Variants in CNTN1 observed in about 807,000 individuals in gnomAD.
CNTN1 encodes the protein contactin 1, also known as contactin-1.
CNTN1 carries 38 observed loss-of-function variants against 126.4 expected under a neutral mutation model. The observed-to-expected ratio is 0.30, with a 90% CI of 0.23 to 0.39. The LOEUF is 0.39. CNTN1 is among the 10% of genes least tolerant of loss of function. The pLI, the probability that CNTN1 is intolerant of heterozygous loss-of-function variation, is 1.00. For synonymous variants in CNTN1, 413 were observed against 422.6 expected, an observed-to-expected ratio of 0.98 and a Z score of 0.28; for missense variants, 1,009 against 1,248.4, an observed-to-expected ratio of 0.81 and a Z score of 2.89.
chr12:41,059,106 AG>A (rs2121092531), intron 23 of CNTN1, among the ~76,000 whole-genome samples: 1 of 152,356 alleles, frequency 6.6e-6, no homozygotes, highest in African/African-American at 2.4e-5. Flanking sequence ...GGTCATAAAA[AG>A]AAGAAAAATC....
intron 1 of CNTN1, among the ~76,000 whole-genome samples, chr12:40,731,511 A>C (rs1001218837): frequency 3.9e-5 from 6 of 152,026 alleles, no homozygotes; most frequent in African/African-American, 1.4e-4. Context: ...TAAAAATATA[A>C]ATTTCAAAAG....
chr12:41,041,154 T>C lies in CNTN1; in HGVS notation c.2980+11935T>C, dbSNP rs368277700. ...TGTTGAATTTTGTCAAAGGCCTTTTTTGCATCTATTGAGATAATCATGTGG... is the reference window on the plus strand; with the variant it reads ...TGTTGAATTTTGTCAAAGGCCTTTTCTGCATCTATTGAGATAATCATGTGG... On this transcript the variant is annotated intron_variant, in intron 23 of 23. Coordinates refer to ENST00000551295, the MANE Select transcript of CNTN1 (RefSeq NM_001843.4). 7.8e-3 allele frequency among the ~76,000 whole-genome samples: 1,186 copies of C among 151,616 alleles called. 10 individuals are homozygous for C. Among genetic ancestry groups the C allele is most frequent in the Admixed American group, 0.017 (252 of 15,178 alleles).
chr12:40,819,817 T>G (rs1238511294), intron 1 of CNTN1, among the ~76,000 whole-genome samples: 1 of 152,174 alleles, frequency 6.6e-6, no homozygotes, highest in East Asian at 1.9e-4. Flanking sequence ...AGTAGGATCT[T>G]CCGATCCGTG....
intron 23 of CNTN1, among the ~76,000 whole-genome samples, chr12:41,059,558 T>C (rs1949896005): frequency 6.6e-6 from 1 of 152,198 alleles, no homozygotes; most frequent in Non-Finnish European, 1.5e-5. Flanking sequence ...TTATGTTCAA[T>C]ACCTAAGTTT....
At chr12:40,990,712 C>A (rs1948077951) in intron 16 of CNTN1, among the ~76,000 whole-genome samples, 1 of 152,220 alleles carries the variant, frequency 6.6e-6, no homozygotes, top group African/African-American at 2.4e-5. Context: ...CTCCACACAT[C>A]CACCTGGTTC....
intron 1 of CNTN1, among the ~76,000 whole-genome samples, chr12:40,693,684 G>T (rs1297872818): frequency 6.6e-6 from 1 of 152,152 alleles, no homozygotes; most frequent in African/African-American, 2.4e-5. Context: ...ACATCTCCAA[G>T]GTGGAGCTAT....
intron 1 of CNTN1, among the ~76,000 whole-genome samples, chr12:40,879,849 G>GT (rs1158484745): frequency 1.3e-5 from 2 of 151,790 alleles, no homozygotes; most frequent in African/African-American, 4.8e-5. Flanking sequence ...TTTTTTCTCT[G>GT]TTGGGCATTT....
At chr12:40,745,601 C>G (rs964173681) in intron 1 of CNTN1, among the ~76,000 whole-genome samples, 26 of 152,092 alleles carry the variant, frequency 1.7e-4, no homozygotes, top group Non-Finnish European at 2.8e-4. Context: ...TGGCAGGCTT[C>G]AGAGAGAATA....
chr12:40,717,102 G>C (rs947471230), intron 1 of CNTN1, among the ~76,000 whole-genome samples: 4 of 151,980 alleles, frequency 2.6e-5, no homozygotes, highest in African/African-American at 7.3e-5. Context: ...TATAAGAAAG[G>C]CTCAGAAAAG....
rs115031754 is a variant in CNTN1, at chr12:40,861,622, A to G, written c.-76-46735A>G. On this transcript the variant is annotated intron_variant, in intron 1 of 23. Coordinates refer to ENST00000551295, the MANE Select transcript of CNTN1 (RefSeq NM_001843.4). ...TTTATTGTAGAAGTGAGATTCACTCACTCTATAATAATCCTTAAGAACCGT... is the reference window on the plus strand; with the variant it reads ...TTTATTGTAGAAGTGAGATTCACTCGCTCTATAATAATCCTTAAGAACCGT... Among the ~76,000 whole-genome samples, 1,437 of 152,040 alleles carry G rather than the reference A, an allele frequency of 9.5e-3. 17 individuals carry two copies. Among genetic ancestry groups the G allele is most frequent in the African/African-American group, 0.032 (1,325 of 41,474 alleles).
intron 16 of CNTN1, among the ~76,000 whole-genome samples, chr12:40,983,493 G>A (rs184232520): frequency 7.9e-5 from 12 of 151,250 alleles, no homozygotes; most frequent in African/African-American, 2.7e-4. Flanking sequence ...GTGTGTGTGT[G>A]AGTGTATGTG....
chr12:40,863,481 C>T (rs967496155), intron 1 of CNTN1, among the ~76,000 whole-genome samples: 3 of 152,148 alleles, frequency 2.0e-5, no homozygotes, highest in Non-Finnish European at 4.4e-5. Context: ...GCTAAATGCA[C>T]TAATATCCTA....
At chr12:40,774,016 T>C (rs1939479761) in intron 1 of CNTN1, among the ~76,000 whole-genome samples, 1 of 151,504 alleles carries the variant, frequency 6.6e-6, no homozygotes, top group Non-Finnish European at 1.5e-5. Flanking sequence ...TGACTTGTTC[T>C]CATTGGTTGT....
chr12:40,774,160 G>A (rs1434875428), intron 1 of CNTN1, among the ~76,000 whole-genome samples: 1 of 151,526 alleles, frequency 6.6e-6, no homozygotes, highest in Non-Finnish European at 1.5e-5. Context: ...GATATAGGTG[G>A]GACGAGTTGA....
chr12:40,830,940 T>TAC (rs1468856467), intron 1 of CNTN1, among the ~76,000 whole-genome samples: 29 of 77,482 alleles, frequency 3.7e-4, no homozygotes, highest in Admixed American at 1.4e-3. Context: ...CATATACATA[T>TAC]ATATATATAT....
intron 23 of CNTN1, among the ~76,000 whole-genome samples, chr12:41,043,609 G>A (rs918730811): frequency 6.6e-6 from 1 of 152,062 alleles, no homozygotes; most frequent in Admixed American, 6.6e-5. Flanking sequence ...CAGGGGTCTA[G>A]AACTAGAAAT....
intron 1 of CNTN1, among the ~76,000 whole-genome samples, chr12:40,780,542 T>C (rs1054225340): frequency 1.3e-5 from 2 of 151,746 alleles, no homozygotes; most frequent in African/African-American, 4.8e-5. Flanking sequence ...TTTCTTATAT[T>C]TGCATGTCTG....
intron 14 of CNTN1, among the ~76,000 whole-genome samples, chr12:40,950,183 A>T (rs1381340466): frequency 6.6e-6 from 1 of 151,830 alleles, no homozygotes; most frequent in African/African-American, 2.4e-5. Context: ...ATAATGCACA[A>T]GACAGATTCC....
chr12:41,065,095 G>A (rs1037655152), intron 23 of CNTN1, among the ~76,000 whole-genome samples: 3 of 151,932 alleles, frequency 2.0e-5, no homozygotes, highest in East Asian at 1.9e-4. Flanking sequence ...TCGCTCTGTC[G>A]CCCGGGCTGG....
Sources: gnomAD v4.1 joint callset for allele counts (sites outside exome capture counted in the v4.1 genomes callset) on GRCh38, gnomAD v4.1.1 for gene constraint, MANE v1.5 for transcripts, NCBI Gene and HGNC (gene_info 2026-07-23, HGNC 2026-07-21) for gene names.